The following KIF27 variants were observed in gnomAD, a reference collection of about 807,000 sequenced individuals.
KIF27 encodes kinesin-like protein KIF27.
KIF27 carries 84 observed loss-of-function variants against 141.8 expected under a neutral mutation model. The ratio of observed to expected loss-of-function variants is 0.59; its 90% CI spans 0.50 to 0.71. KIF27 has a LOEUF of 0.71. Ranked by LOEUF, KIF27 falls within the 30% of genes least tolerant of loss-of-function variation. The pLI, the probability that KIF27 is intolerant of heterozygous loss-of-function variation, is 0.00. For missense variants in KIF27, 1,306 were observed against 1,628.4 expected, an observed-to-expected ratio of 0.80 and a Z score of 3.41; for synonymous variants, 471 against 569.5, an observed-to-expected ratio of 0.83 and a Z score of 2.46.
chr9:83,907,188 G>A (rs1230843521), intron 3 of KIF27, among the ~76,000 whole-genome samples: 2 of 151,736 alleles, frequency 1.3e-5, no homozygotes, highest in Non-Finnish European at 2.9e-5. Context: ...TACTCGGGAG[G>A]CTGAGGCAGG....
chr9:83,886,914 C>G lies in KIF27; in HGVS notation c.2239+127G>C. ...TCCACATATTGGCCTAAAAACTCAC[C>G]TTGTTACACCAATCCAAGCTAAGTG... On this transcript the variant is annotated intron_variant, in intron 9 of 17. Transcript: ENST00000297814. 3.8e-6 allele frequency: 4 copies of G among 1,057,086 alleles called. No individual in the cohort carries two copies. The South Asian group carries it at 1.0e-4, about 27-fold the overall frequency. The allele number at this position is 1,057,086 out of a possible 1,614,324, so 65.5% of individuals were successfully genotyped here.
chr9:83,918,506 T>C (rs1310539927), intron 1 of KIF27, among the ~76,000 whole-genome samples: 1 of 152,154 alleles, frequency 6.6e-6, no homozygotes, highest in Non-Finnish European at 1.5e-5. Flanking sequence ...ATATAAATAT[T>C]ATAACTCAAA....
At chr9:83,877,956 C>T (rs1373440454) in intron 11 of KIF27, among the ~76,000 whole-genome samples, 2 of 151,728 alleles carry the variant, frequency 1.3e-5, no homozygotes, top group Non-Finnish European at 2.9e-5. Context: ...CAATGAGATA[C>T]AACTTCATCC....
rs375376255 is a variant in KIF27, at chr9:83,873,309, C to T, written c.2644-2677G>A. Among the ~76,000 whole-genome samples, 18 of 152,290 alleles carry T rather than the reference C, an allele frequency of 1.2e-4. No homozygotes were observed. The East Asian group carries it at 3.1e-3, about 26-fold the overall frequency. ...GCATAGGATAAAAGAAGGCTATACA[C>T]CCAACTACAACATACACTGGCTGTC... On this transcript the variant is annotated intron_variant, in intron 11 of 17. Transcript: ENST00000297814.
chr9:83,905,382 T>A (rs909060012), intron 3 of KIF27, among the ~76,000 whole-genome samples: 20 of 152,270 alleles, frequency 1.3e-4, no homozygotes, highest in African/African-American at 4.6e-4. Context: ...CCTCCCAAAG[T>A]GCTGGGATTA....
chr9:83,884,119 A>G (rs1236015181), intron 9 of KIF27, 101 bp from the exon 10 acceptor site: 1 of 827,104 alleles, frequency 1.2e-6, no homozygotes, highest in Non-Finnish European at 1.8e-6. Context: ...CCAGGCAGTG[A>G]TACTATTTAA....
At chr9:83,912,049 G>T (rs1955222189) in intron 2 of KIF27, among the ~76,000 whole-genome samples, 1 of 151,978 alleles carries the variant, frequency 6.6e-6, no homozygotes, top group Non-Finnish European at 1.5e-5. Context: ...TAAGTTTGGT[G>T]ATCTTTATAT....
intron 1 of KIF27, among the ~76,000 whole-genome samples, chr9:83,918,885 GAAC>G (rs1564026723): frequency 6.6e-6 from 1 of 152,188 alleles, no homozygotes; most frequent in Non-Finnish European, 1.5e-5. Flanking sequence ...AGACCAGCCT[GAAC>G]AACATGGTGA....
At chr9:83,916,165 T>C (rs932557829) in intron 1 of KIF27, among the ~76,000 whole-genome samples, 1 of 151,936 alleles carries the variant, frequency 6.6e-6, no homozygotes, top group African/African-American at 2.4e-5. Context: ...CTCGAGTAGC[T>C]GGGGTTACAG....
chr9:83,895,465 G>T (rs1431520138), intron 5 of KIF27, among the ~76,000 whole-genome samples: 1 of 152,104 alleles, frequency 6.6e-6, no homozygotes, highest in African/African-American at 2.4e-5. Context: ...GTGAAATTTT[G>T]AAAGCTTTTC....
chr9:83,851,440 C>A (rs1948572536), intron 15 of KIF27, among the ~76,000 whole-genome samples: 1 of 152,128 alleles, frequency 6.6e-6, no homozygotes. Flanking sequence ...CAGCTTCCAA[C>A]TCCTGAGATC....
chr9:83,871,054 G>T (rs1298921781), intron 11 of KIF27, among the ~76,000 whole-genome samples: 1 of 151,980 alleles, frequency 6.6e-6, no homozygotes, highest in South Asian at 2.1e-4. Flanking sequence ...AGGACTACAG[G>T]TGTGTACCAC....
Position 83,841,174 on chromosome 9 carries a change from G to A in KIF27, c.3721+1063C>T, listed in dbSNP as rs184162719. ...CAACCTCCGCCTCCCGGGTTCAAGCGATTCTCCTGCCTCAGCCTCCTGAGT... is the reference window on the plus strand; with the variant it reads ...CAACCTCCGCCTCCCGGGTTCAAGCAATTCTCCTGCCTCAGCCTCCTGAGT... On this transcript the variant is annotated intron_variant, in intron 17 of 17. Coordinates refer to ENST00000297814, the MANE Select transcript of KIF27 (RefSeq NM_017576.4). 7.9e-3 allele frequency among the ~76,000 whole-genome samples: 1,207 copies of A among 152,046 alleles called. 30 individuals carry two copies. The highest frequency in any genetic ancestry group is 0.037 in the East Asian group (190 of 5,180).
At chr9:83,864,569 T>C (rs1456889157) in intron 13 of KIF27, among the ~76,000 whole-genome samples, 2 of 152,216 alleles carry the variant, frequency 1.3e-5, no homozygotes, top group Non-Finnish European at 2.9e-5. Flanking sequence ...TCTTTTACAT[T>C]TGCTGAGGAG....
rs144471206 is a variant in KIF27, at chr9:83,835,768, A to G, written c.*1233T>C. ...GCAAGGAAGTGGGTGACTCTGAGTAAGCATCCATGTCAGGATGGTTTTGCT... is the reference window on the plus strand; with the variant it reads ...GCAAGGAAGTGGGTGACTCTGAGTAGGCATCCATGTCAGGATGGTTTTGCT... On this transcript the variant is annotated 3_prime_UTR_variant, in exon 18 of 18. Coordinates refer to ENST00000297814, the MANE Select transcript of KIF27 (RefSeq NM_017576.4). 6.6e-6 allele frequency: 1 copy of G among 152,212 alleles called. No homozygotes were observed. Among genetic ancestry groups the G allele is most frequent in the Non-Finnish European group, 1.5e-5 (1 of 68,044 alleles). 9.4% of individuals were successfully genotyped at this position (152,212 alleles called of 1,614,324 possible). A position where few individuals can be genotyped will look rare whatever the true frequency, so the allele number is the denominator to read the frequency against.
rs1362541077 is a variant in KIF27 at position 83,848,258 on chromosome 9, T to C, written c.3556+1841A>G. ...TATATATGATATATCAGATATGATATATATGATATATCAGATATGATATAT... is the reference window on the plus strand; with the variant it reads ...TATATATGATATATCAGATATGATACATATGATATATCAGATATGATATAT... On this transcript the variant is annotated intron_variant, in intron 16 of 17. Transcript: ENST00000297814. 5.4e-5 allele frequency among the ~76,000 whole-genome samples: 6 copies of C among 110,532 alleles called. 1 individual carries two copies. The highest frequency in any genetic ancestry group is 1.1e-4 in the Non-Finnish European group (6 of 56,570). 72.5% of individuals were successfully genotyped at this position (110,532 alleles called of 152,430 possible). A position where few individuals can be genotyped will look rare whatever the true frequency, so the allele number is the denominator to read the frequency against.
chr9:83,921,190 C>A (rs923344545), intron 1 of KIF27, among the ~76,000 whole-genome samples, 181 bp downstream of exon 1: 8 of 151,962 alleles, frequency 5.3e-5, no homozygotes, highest in African/African-American at 1.9e-4. Context: ...CTAGCTGGCG[C>A]CCCAACCGCC....
Position 83,908,653 on chromosome 9 carries a change from C to G in KIF27, c.299-1G>C, listed in dbSNP as rs1468609532. ...CCCTTTTGGCCCTCCACAACTGAAGCTGAAAATTTAGAAAAAGAAAGCACA... is the reference window on the plus strand; with the variant it reads ...CCCTTTTGGCCCTCCACAACTGAAGGTGAAAATTTAGAAAAAGAAAGCACA... On this transcript the variant is annotated splice_acceptor_variant, in intron 2 of 17. Coordinates refer to ENST00000297814, the MANE Select transcript of KIF27 (RefSeq NM_017576.4). LOFTEE classifies it high-confidence loss of function. 1.9e-6 allele frequency: 3 copies of G among 1,569,448 alleles called. No individual in the cohort carries two copies. Among genetic ancestry groups the G allele is most frequent in the Non-Finnish European group, 2.6e-6 (3 of 1,160,524 alleles).
At chr9:83,899,861 C>T in intron 4 of KIF27, 57 bp from the exon 5 acceptor site, 1 of 1,428,966 alleles carries the variant, frequency 7.0e-7, no homozygotes, top group Non-Finnish European at 9.5e-7. Context: ...CAAGAAACCC[C>T]ATATGATAAC....
Sources: allele counts gnomAD v4.1 joint callset (sites outside exome capture counted in the v4.1 genomes callset), GRCh38; gene constraint gnomAD v4.1.1; transcripts MANE v1.5; gene names NCBI Gene and HGNC (gene_info 2026-07-23, HGNC 2026-07-21).